The following FAM118B variants were observed in gnomAD, a reference collection of about 807,000 sequenced individuals.
The protein encoded by FAM118B is SIR2 antiphage like 1, also known as protein FAM118B.
FAM118B carries 24 observed loss-of-function variants against 38.5 expected under a neutral mutation model. The observed-to-expected ratio is 0.62, with a 90% confidence interval of 0.45 to 0.88. The LOEUF is 0.88. Among genes scored for constraint, FAM118B ranks in the 40% least tolerant of loss-of-function variants. FAM118B has a pLI of 0.00. For missense variants in FAM118B, 334 were observed against 420.0 expected (o/e 0.80, Z 1.79); for synonymous variants, 138 against 156.3 (o/e 0.88, Z 0.87).
At position 126,230,785 on chromosome 11, in the gene FAM118B, C is replaced by T. The variant is rs546260433; in HGVS notation, c.-8+1492C>T. On this transcript the variant is annotated intron_variant, in intron 2 of 8. Transcript: ENST00000533050. ...GAATGAAGAAGGCGGGCTGGGAGAC[C>T]TCACTCTGATTCTCAAGTGAAGGGA... is the stretch of plus-strand genomic sequence containing the variant. Among the ~76,000 whole-genome samples the T allele has an allele frequency of 7.8e-4, 119 of 152,270 alleles. 2 individuals are homozygous for T. Among genetic ancestry groups the T allele is most frequent in the Middle Eastern group, 6.8e-3 (2 of 294 alleles).
At chr11:126,218,466 A>C (rs2135125748) in intron 1 of FAM118B, among the ~76,000 whole-genome samples, 1 of 152,156 alleles carries the variant, frequency 6.6e-6, no homozygotes, top group Middle Eastern at 3.4e-3. Flanking sequence ...CTAGCATCCC[A>C]CATATTTATT....
chr11:126,214,514 G>GTTT (rs71048770), intron 1 of FAM118B: 26 of 41,512 alleles, frequency 6.3e-4, no homozygotes, highest in Non-Finnish European at 1.2e-3. Context: ...TTTTTTTTTT[G>GTTT]TTTTTTTTTT....
rs1481367458 is a variant in FAM118B, at chr11:126,262,854, A to G, written c.*721A>G. 3 of 152,622 alleles carry G rather than the reference A, an allele frequency of 2.0e-5. No homozygotes were observed. The highest frequency in any genetic ancestry group is 4.8e-5 in the African/African-American group (2 of 41,452). The allele number at this position is 152,622 out of a possible 1,614,324, so 9.5% of individuals were successfully genotyped here. On this transcript the variant is annotated 3_prime_UTR_variant, in exon 9 of 9. Coordinates refer to ENST00000533050, the MANE Select transcript of FAM118B (RefSeq NM_024556.4). Reference sequence around the variant, plus strand: ...TTCTGCTCTGTTGTCCTGACCATACATATGTCCTAGAACTACAGTTAAGTG... The same window carrying G: ...TTCTGCTCTGTTGTCCTGACCATACGTATGTCCTAGAACTACAGTTAAGTG...
chr11:126,257,310 C>T (rs1207225823), intron 7 of FAM118B, among the ~76,000 whole-genome samples: 1 of 152,048 alleles, frequency 6.6e-6, no homozygotes, highest in East Asian at 1.9e-4. Flanking sequence ...ACAATTTATC[C>T]TAGAAGTTTC....
At chr11:126,251,839 C>T (rs570732831) in intron 5 of FAM118B, among the ~76,000 whole-genome samples, 8 of 151,544 alleles carry the variant, frequency 5.3e-5, no homozygotes, top group Non-Finnish European at 1.0e-4. Context: ...TGTGCCACAA[C>T]GCCCGGCTAA....
In FAM118B at chr11:126,256,929, G is replaced by A; in HGVS notation, c.982+77G>A. On this transcript the variant is annotated intron_variant, in intron 7 of 8. Transcript: ENST00000533050. This position sits in a 1 kb window ranked among gnomAD's most constrained non-coding sequence, Gnocchi z 6.6. ...CTTTTGTGTATTTGTGATGTGATGG[G>A]CAAAATAGTTGCCAAGATGAGGAAT... The A allele has an allele frequency of 1.4e-6, 2 of 1,411,970 alleles. No homozygotes were observed. Among genetic ancestry groups the A allele is most frequent in the African/African-American group, 1.4e-5 (1 of 69,598 alleles). 87.5% of individuals were successfully genotyped at this position (1,411,970 alleles called of 1,614,324 possible). A position where few individuals can be genotyped will look rare whatever the true frequency, so the allele number is the denominator to read the frequency against.
intron 7 of FAM118B, among the ~76,000 whole-genome samples, chr11:126,259,914 G>A (rs1195761227): frequency 1.3e-5 from 2 of 149,640 alleles, no homozygotes; most frequent in African/African-American, 2.5e-5. Flanking sequence ...TAGATACAGC[G>A]TTTCACTGTG....
intron 2 of FAM118B, among the ~76,000 whole-genome samples, chr11:126,229,676 C>T (rs1950184445): frequency 6.6e-6 from 1 of 152,160 alleles, no homozygotes; most frequent in Non-Finnish European, 1.5e-5. Flanking sequence ...CTCCTGACCT[C>T]ACGATCCACC....
intron 1 of FAM118B, among the ~76,000 whole-genome samples, chr11:126,217,385 T>C (rs978371181): frequency 1.6e-4 from 25 of 152,198 alleles, no homozygotes; most frequent in Admixed American, 1.6e-3. Context: ...ATAGTTCTAT[T>C]GTAATTTTTT....
At chr11:126,259,758 T>C (rs140876523) in intron 7 of FAM118B, among the ~76,000 whole-genome samples, 34 of 144,180 alleles carry the variant, frequency 2.4e-4, no homozygotes, top group African/African-American at 8.7e-4. Context: ...TTTCTCTCTG[T>C]CACCCAGGCT....
rs879436394 is a variant in FAM118B at position 126,240,919 on chromosome 11, T to A, written c.214T>A (p.Leu72Ile). 6.2e-7 allele frequency: 1 copy of A among 1,614,190 alleles called. No homozygotes were observed. Residue 72 changes from leucine to isoleucine, a missense_variant, in exon 4 of 9, where the codon TTA becomes ATA. Physicochemically the swap from Leu to Ile is conservative, Grantham distance 5 (BLOSUM62 2). This residue lies in a region of FAM118B where 240 missense variants were observed against 295.9 expected (regional missense o/e 0.81). Coordinates refer to ENST00000533050, the MANE Select transcript of FAM118B (RefSeq NM_024556.4). ...ATCCTGGAAGGGGTTAATTCAGGCCTTACTGGATGCTGCCATTGATTTTGA... is the reference window on the plus strand; with the variant it reads ...ATCCTGGAAGGGGTTAATTCAGGCCATACTGGATGCTGCCATTGATTTTGA... ...LKSWKGLIQA[L>I]LDAAIDFDLL...
chr11:126,218,492 C>G (rs1950012257), intron 1 of FAM118B, among the ~76,000 whole-genome samples: 1 of 152,162 alleles, frequency 6.6e-6, no homozygotes, highest in Admixed American at 6.6e-5. Flanking sequence ...GTTTCCCTCA[C>G]CACTAAAATA....
rs1950726365 is a variant in FAM118B, at chr11:126,262,663, C to T, written c.*530C>T. 6.5e-6 allele frequency: 1 copy of T among 152,904 alleles called. No individual in the cohort carries two copies. The highest frequency in any genetic ancestry group is 1.5e-5 in the Non-Finnish European group (1 of 68,286). 9.5% of individuals were successfully genotyped at this position (152,904 alleles called of 1,614,324 possible). The stretch of plus-strand genomic sequence containing the variant: ...GTTCATTTACTTGCCAGGACCCTGG[C>T]TCTACTTTTAGAGTCATTGTAAGAA... On this transcript the variant is annotated 3_prime_UTR_variant, in exon 9 of 9. Coordinates refer to ENST00000533050, the MANE Select transcript of FAM118B (RefSeq NM_024556.4).
intron 1 of FAM118B, among the ~76,000 whole-genome samples, chr11:126,228,451 C>T (rs965815274): frequency 7.9e-5 from 12 of 151,822 alleles, no homozygotes; most frequent in Admixed American, 2.0e-4. Context: ...CCTCCTGCCT[C>T]GGCCTCCCAA....
chr11:126,250,873 C>G lies in FAM118B; in HGVS notation c.567+140C>G, dbSNP rs1261911896. 1.6e-6 allele frequency: 1 copy of G among 623,898 alleles called. No individual in the cohort carries two copies. The highest frequency in any genetic ancestry group is 3.2e-5 in the Admixed American group (1 of 30,952). The allele number at this position is 623,898 out of a possible 1,614,324, so 38.6% of individuals were successfully genotyped here. On this transcript the variant is annotated intron_variant, in intron 5 of 8. Coordinates refer to ENST00000533050, the MANE Select transcript of FAM118B (RefSeq NM_024556.4). This position sits in a 1 kb window ranked among gnomAD's most constrained non-coding sequence, Gnocchi z 5.1. The stretch of plus-strand genomic sequence containing the variant: ...TTCCCTGGTTGGAGTTTTTGTTTTT[C>G]TTTTTTCTTTCTTTTTAAAGATCAA...
intron 1 of FAM118B, among the ~76,000 whole-genome samples, chr11:126,228,522 A>G (rs2135144627): frequency 6.6e-6 from 1 of 151,668 alleles, no homozygotes; most frequent in African/African-American, 2.4e-5. Flanking sequence ...TATGGCAGGA[A>G]AGTCTTCCCT....
At position 126,247,864 on chromosome 11, in the gene FAM118B, A is replaced by T. The variant is rs1950437757; in HGVS notation, c.340-2642A>T. ...CAGATCGAGACTCCATCTCAAAAAA[A>T]AAATATATATATATATCTATATATA... On this transcript the variant is annotated intron_variant, in intron 4 of 8. Transcript: ENST00000533050. Among the ~76,000 whole-genome samples, 6 of 146,262 alleles carry T rather than the reference A, an allele frequency of 4.1e-5. No homozygotes were observed. In the Admixed American group the frequency reaches 4.1e-4, roughly 10 times the overall value.
intron 1 of FAM118B, among the ~76,000 whole-genome samples, chr11:126,213,192 A>G (rs1949914520): frequency 1.3e-5 from 2 of 152,154 alleles, no homozygotes; most frequent in African/African-American, 2.4e-5. Context: ...AGATGGCTGA[A>G]GTGCATCATA....
At chr11:126,229,657 G>A (rs1050836246) in intron 2 of FAM118B, among the ~76,000 whole-genome samples, 3 of 152,136 alleles carry the variant, frequency 2.0e-5, no homozygotes, top group African/African-American at 4.8e-5. Flanking sequence ...TGGCCAGGCT[G>A]GTTTCAAACT....
Sources: gnomAD v4.1 joint callset for allele counts (sites outside exome capture counted in the v4.1 genomes callset) on GRCh38, gnomAD v4.1.1 for gene constraint, gnomAD v4.1.1 regional missense constraint, Gnocchi (gnomAD v3.1) non-coding constraint, MANE v1.5 for transcripts, NCBI Gene and HGNC (gene_info 2026-07-23, HGNC 2026-07-21) for gene names.